EYS: variants seen among roughly 807,000 people sequenced by gnomAD.
EYS encodes EGF-like photoreceptor maintenance factor, also known as protein eyes shut homolog.
Under a neutral mutation model 282.1 loss-of-function variants are expected in EYS, and 250 were observed. That is an observed-to-expected ratio of 0.89 (90% CI 0.80 to 0.98). The LOEUF (loss-of-function observed/expected upper bound fraction) is 0.98, where lower values mean the gene tolerates loss of function less well. EYS is among the 50% of genes least tolerant of loss of function. The pLI is 0.00. For missense variants in EYS, 4,016 were observed against 3,709.0 expected, an observed-to-expected ratio of 1.08 and a Z score of -2.15; for synonymous variants, 1,355 against 1,282.9, an observed-to-expected ratio of 1.06 and a Z score of -1.20.
chr6:64,787,143 T>C (rs1774046973), intron 22 of EYS, among the ~76,000 whole-genome samples: 1 of 152,204 alleles, frequency 6.6e-6, no homozygotes, highest in African/African-American at 2.4e-5. Context: ...TGCATGATTT[T>C]ATGAGTCCCT....
chr6:64,101,366 T>G (rs1772820510), intron 31 of EYS, among the ~76,000 whole-genome samples: 1 of 152,110 alleles, frequency 6.6e-6, no homozygotes, highest in Non-Finnish European at 1.5e-5. Flanking sequence ...CAGCAAAAGT[T>G]TCCTTAAAAG....
At chr6:64,232,009 C>T (rs1043247780) in intron 30 of EYS, among the ~76,000 whole-genome samples, 9 of 152,092 alleles carry the variant, frequency 5.9e-5, no homozygotes, top group African/African-American at 1.2e-4. Flanking sequence ...ATCTTAGAGA[C>T]TTAAAAAGCT....
At chr6:64,758,730 G>A (rs968754372) in intron 22 of EYS, among the ~76,000 whole-genome samples, 1 of 152,164 alleles carries the variant, frequency 6.6e-6, no homozygotes, top group African/African-American at 2.4e-5. Context: ...GAGAATAATG[G>A]GAGATGGAGC....
intron 12 of EYS, among the ~76,000 whole-genome samples, chr6:65,165,122 T>G (rs558712763): frequency 6.6e-6 from 1 of 151,340 alleles, no homozygotes; most frequent in Non-Finnish European, 1.5e-5. Flanking sequence ...CTAACATTAA[T>G]TGGTACTTTT....
intron 2 of EYS, among the ~76,000 whole-genome samples, chr6:65,577,777 C>A (rs1226774917): frequency 6.8e-6 from 1 of 147,574 alleles, no homozygotes; most frequent in East Asian, 2.0e-4. Context: ...GACAAAATAC[C>A]TGAATAAATA....
chr6:65,103,883 T>G (rs116498662), intron 12 of EYS, among the ~76,000 whole-genome samples: 3,198 of 151,534 alleles, frequency 0.021, 81 homozygotes, highest in African/African-American at 0.06. Flanking sequence ...AATGCTAACA[T>G]AGAAATGCAG....
intron 12 of EYS, among the ~76,000 whole-genome samples, chr6:65,155,145 C>T (rs959583577): frequency 2.6e-5 from 4 of 151,400 alleles, no homozygotes; most frequent in Admixed American, 6.6e-5. Context: ...GGGTAGCATG[C>T]CTTTGTAGAG....
intron 2 of EYS, among the ~76,000 whole-genome samples, chr6:65,627,391 C>T (rs1037618564): frequency 1.3e-5 from 2 of 152,190 alleles, no homozygotes; most frequent in Non-Finnish European, 2.9e-5. Flanking sequence ...CTCGCTCGCT[C>T]TCGGTGCCTC....
chr6:64,339,023 A>G lies in EYS; in HGVS notation c.6079-31941T>C, dbSNP rs541227664. ...GGACTTAAATCTAAGACCTGAAACTATAAAAATTCTAGAAGATAACATTGG... is the reference window on the plus strand; with the variant it reads ...GGACTTAAATCTAAGACCTGAAACTGTAAAAATTCTAGAAGATAACATTGG... On this transcript the variant is annotated intron_variant, in intron 29 of 42. Transcript: ENST00000503581. Among the ~76,000 whole-genome samples the G allele has an allele frequency of 6.6e-5, 10 of 152,212 alleles. No individual in the cohort carries two copies. In the South Asian group the frequency reaches 1.0e-3, roughly 16 times the overall value.
At chr6:64,822,932 G>A (rs1764944162) in intron 19 of EYS, 110 bp from the exon 20 acceptor site, 4 of 804,504 alleles carry the variant, frequency 5.0e-6, no homozygotes, top group Non-Finnish European at 7.7e-6. Context: ...TCTCTATAAT[G>A]ATAACTTGGT....
intron 19 of EYS, among the ~76,000 whole-genome samples, chr6:64,828,105 T>C (rs1428190818): frequency 6.6e-6 from 1 of 151,682 alleles, no homozygotes; most frequent in Admixed American, 6.6e-5. Flanking sequence ...GCTAGGAAAA[T>C]AATACAAGAT....
In EYS at chr6:64,176,713, A is replaced by AT. The variant is rs527507970; in HGVS notation, c.6424+53878dup. ...GTCGGTGCCTTTAAATATGATGCTA[A>AT]TTTTTCTTAAGGAAATATCTCTCAA... On this transcript the variant is annotated intron_variant, in intron 31 of 42. Coordinates refer to ENST00000503581, the MANE Select transcript of EYS (RefSeq NM_001142800.2). Among the ~76,000 whole-genome samples, 792 of 152,154 alleles carry AT rather than the reference A, an allele frequency of 5.2e-3. 2 individuals carry two copies. Among genetic ancestry groups the AT allele is most frequent in the Non-Finnish European group, 8.5e-3 (577 of 67,984 alleles).
At chr6:64,905,923 C>A (rs1210957857) in intron 16 of EYS, among the ~76,000 whole-genome samples, 2 of 151,792 alleles carry the variant, frequency 1.3e-5, no homozygotes, top group African/African-American at 2.4e-5. Context: ...AGTTAAAAAT[C>A]ATATATTTTT....
rs1554162377 is a variant in EYS at position 65,162,912 on chromosome 6, T to TGC, written c.2024-105186_2024-105185insGC. ...CTGCAACAAGGCCTCCTGTTCTGTT[T>TGC]GTGTGTGTGTGTGTGTGTGTGTGTC... is the stretch of plus-strand genomic sequence containing the variant. On this transcript the variant is annotated intron_variant, in intron 12 of 42. Coordinates refer to ENST00000503581, the MANE Select transcript of EYS (RefSeq NM_001142800.2). 7.9e-4 allele frequency among the ~76,000 whole-genome samples: 5 copies of TGC among 6,348 alleles called. No individual in the cohort carries two copies. In the South Asian group the frequency reaches 0.014, roughly 17 times the overall value. 4.2% of individuals were successfully genotyped at this position (6,348 alleles called of 152,430 possible).
intron 37 of EYS, among the ~76,000 whole-genome samples, chr6:63,798,864 G>C (rs1405162804): frequency 1.3e-5 from 2 of 151,206 alleles, no homozygotes; most frequent in Non-Finnish European, 2.9e-5. Context: ...CTACATGCTG[G>C]TGACTGACAG....
chr6:64,792,211 C>A (rs1041176683), intron 22 of EYS, among the ~76,000 whole-genome samples: 1 of 151,788 alleles, frequency 6.6e-6, no homozygotes, highest in Non-Finnish European at 1.5e-5. Flanking sequence ...TAACCTTGCC[C>A]AAATTATTTC....
At chr6:64,706,371 ATCAGAAAAACCTTTCTAGACATTGG>A (rs141255790) in intron 22 of EYS, among the ~76,000 whole-genome samples, 103,302 of 151,840 alleles carry the variant, frequency 0.68, 36,206 homozygotes, top group Middle Eastern at 0.78. Flanking sequence ...AGAAGATGAC[ATCAGAAAAACCTTTCTAGACATTGG>A]CTTAGTCAAA....
chr6:65,364,300 T>C (rs535345064), intron 8 of EYS, among the ~76,000 whole-genome samples: 1 of 151,180 alleles, frequency 6.6e-6, no homozygotes, highest in African/African-American at 2.4e-5. Context: ...TTAGAACATT[T>C]CCTTCCATAA....
intron 28 of EYS, among the ~76,000 whole-genome samples, chr6:64,406,947 G>T (rs1249580391): frequency 1.3e-5 from 2 of 152,158 alleles, no homozygotes; most frequent in Non-Finnish European, 2.9e-5. Context: ...TCCCATTACT[G>T]GGTATATACC....
Sources: gnomAD v4.1 joint callset for allele counts (sites outside exome capture counted in the v4.1 genomes callset) on GRCh38, gnomAD v4.1.1 for gene constraint, MANE v1.5 for transcripts, NCBI Gene and HGNC (gene_info 2026-07-23, HGNC 2026-07-21) for gene names.